RIOK1: variants seen among roughly 807,000 people sequenced by gnomAD.
The protein encoded by RIOK1 is serine/threonine-protein kinase RIO1.
In RIOK1, 66 loss-of-function variants were observed where a neutral mutation model predicts 73.5. That is an observed-to-expected ratio of 0.90 (90% CI 0.74 to 1.10). The LOEUF (loss-of-function observed/expected upper bound fraction) is 1.10, where lower values mean the gene tolerates loss of function less well. Ranked by LOEUF, RIOK1 falls within the 50% of genes least tolerant of loss-of-function variation. RIOK1 has a pLI of 0.00. For synonymous variants in RIOK1, 224 were observed against 226.8 expected (o/e 0.99, Z 0.11); for missense variants, 658 against 699.8 (o/e 0.94, Z 0.67).
In RIOK1 at chr6:7,411,325, CT is replaced by C; in HGVS notation, c.1270-6del. On this transcript the variant is annotated splice_polypyrimidine_tract_variant and splice_region_variant and intron_variant, in intron 13 of 16. Coordinates refer to ENST00000379834, the MANE Select transcript of RIOK1 (RefSeq NM_031480.3). ...ACAGTTTTGATTTTGCTTTTCCTCT[CT>C]GTTAGGTGTTTAAGCGAGCATATAT... The C allele has an allele frequency of 1.2e-6, 2 of 1,613,480 alleles. No homozygotes were observed. The highest frequency in any genetic ancestry group is 8.5e-7 in the Non-Finnish European group (1 of 1,179,712).
chr6:7,394,357 C>T (rs1007473029), intron 2 of RIOK1, among the ~76,000 whole-genome samples: 6 of 152,186 alleles, frequency 3.9e-5, no homozygotes, highest in African/African-American at 1.4e-4. Flanking sequence ...TCGCCTGAAC[C>T]CAGGAGGCGG....
chr6:7,409,214 TGTGTG>T (rs1289013674), intron 12 of RIOK1, among the ~76,000 whole-genome samples: 2 of 1,278 alleles, frequency 1.6e-3, no homozygotes, highest in South Asian at 0.016. Flanking sequence ...CCCGACTAAT[TGTGTG>T]TGTGTGTGTG....
intron 12 of RIOK1, among the ~76,000 whole-genome samples, chr6:7,409,663 G>A (rs183660909): frequency 3.1e-4 from 47 of 152,036 alleles, no homozygotes; most frequent in Admixed American, 2.5e-3. Context: ...TAGAGACGGA[G>A]TTTCCCCATA....
rs200773533 is a variant in RIOK1, at chr6:7,405,898, GA to G, written c.1203+547del. Among the ~76,000 whole-genome samples the G allele has an allele frequency of 9.6e-3, 1,440 of 150,226 alleles. 19 individuals carry two copies. Among genetic ancestry groups the G allele is most frequent in the Non-Finnish European group, 0.013 (864 of 67,718 alleles). On this transcript the variant is annotated intron_variant, in intron 12 of 16. Transcript: ENST00000379834. ...GTCAAAGTTTGTGAAAGTTTAGCAAGAAAACTGTCAGTTTTTTGGTCATTAA... is the reference window on the plus strand; with the variant it reads ...GTCAAAGTTTGTGAAAGTTTAGCAAGAAACTGTCAGTTTTTTGGTCATTAA...
chr6:7,391,330 A>G (rs573970153), intron 1 of RIOK1, among the ~76,000 whole-genome samples: 2 of 152,268 alleles, frequency 1.3e-5, no homozygotes, highest in African/African-American at 2.4e-5. Context: ...TAATTAGACT[A>G]TTTGTATTCG....
intron 14 of RIOK1, 25 bp from the exon 15 acceptor site, chr6:7,412,861 ATTT>A (rs572016993): frequency 1.7e-5 from 17 of 1,012,284 alleles, no homozygotes; most frequent in South Asian, 8.8e-5. Flanking sequence ...GTTGATCCTT[ATTT>A]TTTTTTTTTC....
chr6:7,409,652 G>T (rs1250121612), intron 12 of RIOK1, among the ~76,000 whole-genome samples: 1 of 151,658 alleles, frequency 6.6e-6, no homozygotes, highest in Non-Finnish European at 1.5e-5. Context: ...TGTATTTTTA[G>T]TAGAGACGGA....
chr6:7,401,668 T>A (rs538223360), intron 6 of RIOK1, among the ~76,000 whole-genome samples: 59 of 151,260 alleles, frequency 3.9e-4, no homozygotes, highest in Non-Finnish European at 6.2e-4. Context: ...ACTGGATTTT[T>A]AAATTTTTTT....
At chr6:7,413,049 G>A in intron 15 of RIOK1, 107 bp downstream of exon 15, 1 of 544,354 alleles carries the variant, frequency 1.8e-6, no homozygotes. Flanking sequence ...AGAACTAAAT[G>A]TTATTTTATA....
intron 8 of RIOK1, 156 bp from the exon 9 acceptor site, chr6:7,403,785 T>C (rs1761670241): frequency 2.0e-6 from 1 of 492,066 alleles, no homozygotes; most frequent in East Asian, 3.3e-5. Context: ...TGGTGCCACT[T>C]AAAATAATCT....
rs34196824 is a variant in RIOK1, at chr6:7,409,795, CAAAA to C, written c.1204-574_1204-571del. On this transcript the variant is annotated intron_variant, in intron 12 of 16. Transcript: ENST00000379834. ...CAGCACTGATTTTCGTGTCTAAACT[CAAAA>C]AAAAAAAAAAAAAAAACCTCTGCTC... Among the ~76,000 whole-genome samples the C allele has an allele frequency of 5.3e-4, 55 of 103,148 alleles. No homozygotes were observed. In the East Asian group the frequency reaches 0.013, roughly 25 times the overall value. 67.7% of individuals were successfully genotyped at this position (103,148 alleles called of 152,430 possible).
chr6:7,401,163 C>T, intron 6 of RIOK1, 113 bp downstream of exon 6: 2 of 700,310 alleles, frequency 2.9e-6, no homozygotes, highest in South Asian at 3.3e-5. Flanking sequence ...CAAAGCCATA[C>T]ACATTAATAT....
intron 12 of RIOK1, among the ~76,000 whole-genome samples, chr6:7,408,847 G>A (rs916191939): frequency 1.2e-4 from 18 of 144,720 alleles, no homozygotes; most frequent in African/African-American, 4.4e-4. Context: ...TCAGCCTCCC[G>A]AGTAGCTGGG....
chr6:7,407,731 C>T (rs1761783655), intron 12 of RIOK1, among the ~76,000 whole-genome samples: 1 of 151,872 alleles, frequency 6.6e-6, no homozygotes, highest in Admixed American at 6.6e-5. Flanking sequence ...TGGGCTTAAG[C>T]ACTCCTTCTG....
chr6:7,394,907 G>T, intron 2 of RIOK1, 146 bp from the exon 3 acceptor site: 1 of 1,281,846 alleles, frequency 7.8e-7, no homozygotes. Flanking sequence ...AATTTTTTGA[G>T]CCAATTTGAT....
chr6:7,405,673 A>G (rs1236705073), intron 12 of RIOK1, among the ~76,000 whole-genome samples: 1 of 152,068 alleles, frequency 6.6e-6, no homozygotes, highest in Non-Finnish European at 1.5e-5. Flanking sequence ...CCCAGATTGC[A>G]TAGTGTAGTT....
chr6:7,396,437 A>G (rs910025638), intron 3 of RIOK1, among the ~76,000 whole-genome samples: 9 of 152,216 alleles, frequency 5.9e-5, no homozygotes, highest in Non-Finnish European at 1.0e-4. Flanking sequence ...GCAAATTATT[A>G]TCTTTGAAGA....
chr6:7,390,023 CATG>C lies in RIOK1; in HGVS notation c.23_25del (p.Met8del). On this transcript the variant is annotated inframe_deletion, in exon 1 of 17. Transcript: ENST00000379834. The stretch of plus-strand genomic sequence containing the variant: ...CAGTCATGGACTACCGGCGGCTTCT[CATG>C]AGCCGGGTGGTCCCCGGGCAATTCG... 3 of 1,555,506 alleles carry C rather than the reference CATG, an allele frequency of 1.9e-6. No homozygotes were observed. The highest frequency in any genetic ancestry group is 2.6e-6 in the Non-Finnish European group (3 of 1,149,622).
Position 7,400,950 on chromosome 6 carries a change from C to T in RIOK1, c.481-8C>T, listed in dbSNP as rs1389711268. ...TTGGAACTTTTTAATTTTTGCATTT[C>T]TTTTTAGGTGTTGGATCCCAGAACA... On this transcript the variant is annotated splice_region_variant and splice_polypyrimidine_tract_variant and intron_variant, in intron 5 of 16. Transcript: ENST00000379834. 1.3e-6 allele frequency: 2 copies of T among 1,576,610 alleles called. No homozygotes were observed. Among genetic ancestry groups the T allele is most frequent in the African/African-American group, 2.7e-5 (2 of 73,354 alleles).
Sources: allele counts gnomAD v4.1 joint callset (sites outside exome capture counted in the v4.1 genomes callset), GRCh38; gene constraint gnomAD v4.1.1; transcripts MANE v1.5; gene names NCBI Gene and HGNC (gene_info 2026-07-23, HGNC 2026-07-21).